PLPP2: variants seen among roughly 807,000 people sequenced by gnomAD.
PLPP2 encodes the protein phospholipid phosphatase 2, also known as PAP2-gamma.
PLPP2 carries 29 observed loss-of-function variants against 35.2 expected under a neutral mutation model. The ratio of observed to expected loss-of-function variants is 0.82; its 90% CI spans 0.61 to 1.12. The LOEUF (loss-of-function observed/expected upper bound fraction) is 1.12, where lower values mean the gene tolerates loss of function less well. Ranked by LOEUF, PLPP2 falls within the 50% of genes most tolerant of loss-of-function variation. PLPP2 has a pLI of 0.00. For synonymous variants in PLPP2, 162 were observed against 167.0 expected, an observed-to-expected ratio of 0.97 and a Z score of 0.23; for missense variants, 353 against 375.2, an observed-to-expected ratio of 0.94 and a Z score of 0.49.
intron 3 of PLPP2, chr19:286,873 G>A (rs922088064): frequency 1.3e-5 from 2 of 152,400 alleles, no homozygotes; most frequent in Non-Finnish European, 2.9e-5. Context: ...GCTCAGGTGG[G>A]AAGATGGCTT....
At chr19:284,463 AC>A (rs922879538) in intron 3 of PLPP2, 1 of 152,192 alleles carries the variant, frequency 6.6e-6, no homozygotes, top group Non-Finnish European at 1.5e-5. Context: ...TGTTGGACTT[AC>A]TAGACACTTT....
intron 5 of PLPP2, chr19:281,869 AG>A: frequency 3.9e-6 from 1 of 254,432 alleles, no homozygotes; most frequent in South Asian, 3.2e-5. Flanking sequence ...ATTGGGGGGA[AG>A]GGGTCCCAGG....
chr19:285,454 C>A (rs760049946), intron 3 of PLPP2: 1 of 151,328 alleles, frequency 6.6e-6, no homozygotes. Context: ...AAAGATTATT[C>A]GGCTGGGGCC....
In PLPP2 at chr19:291,373, C is replaced by G; in HGVS notation, c.-37G>C. 6.3e-7 allele frequency: 1 copy of G among 1,575,634 alleles called. No homozygotes were observed. Among genetic ancestry groups the G allele is most frequent in the Admixed American group, 1.8e-5 (1 of 56,994 alleles). On this transcript the variant is annotated 5_prime_UTR_variant, in exon 1 of 6. Coordinates refer to ENST00000434325, the MANE Select transcript of PLPP2 (RefSeq NM_003712.4). ...CCCCCGACGCCGGTCCCAGCGCGTC[C>G]CGTCGCGTCCCGGCCCGGCCGCGGA...
rs1238521203 is a variant in PLPP2, at chr19:291,316, G to A, written c.21C>T (p.Phe7=). Residue 7 remains phenylalanine, a synonymous_variant, in exon 1 of 6, where the codon TTC becomes TTT. Transcript: ENST00000434325. MQRRWV[F]VLLDVLCLLV... is the part of the protein sequence containing the mutation. ...GTAAGCACAGCACGTCGAGCAGCAC[G>A]AAGACCCACCTCCGCTGCATGGTCC... The A allele has an allele frequency of 1.3e-6, 2 of 1,599,554 alleles. No individual in the cohort carries two copies. The highest frequency in any genetic ancestry group is 1.7e-6 in the Non-Finnish European group (2 of 1,174,498).
intron 3 of PLPP2, chr19:284,552 T>C (rs1373295251): frequency 6.6e-6 from 1 of 152,152 alleles, no homozygotes; most frequent in Non-Finnish European, 1.5e-5. Flanking sequence ...GTGACAACAG[T>C]TGTGTGCCAC....
rs894189866 is a variant in PLPP2, at chr19:291,333, G to T, written c.4C>A (p.Gln2Lys). Residue 2 changes from glutamine (Q) to lysine (K), a missense_variant, in exon 1 of 6, where the codon CAG becomes AAG. By Grantham distance (53) the Gln-to-Lys change is moderately conservative. Coordinates refer to ENST00000434325, the MANE Select transcript of PLPP2 (RefSeq NM_003712.4). M[Q>K]RRWVFVLLDV... ...AGCAGCACGAAGACCCACCTCCGCT[G>T]CATGGTCCCCGCGACCCCCGACGCC... The T allele has an allele frequency of 1.9e-6, 3 of 1,591,514 alleles. No homozygotes were observed. In the African/African-American group the frequency reaches 4.2e-5, roughly 22 times the overall value.
intron 3 of PLPP2, chr19:284,723 G>C (rs1339222538): frequency 1.3e-5 from 2 of 152,206 alleles, no homozygotes; most frequent in African/African-American, 4.8e-5. Flanking sequence ...GTTATAAAAA[G>C]GAACCAAATA....
In PLPP2 at chr19:287,404, A is replaced by G. The variant is rs1016705704; in HGVS notation, c.482+70T>C. ...AGTCTCAGCTGCCTGCTGGCTCTTC[A>G]TGATTTGGCTCCAGGGCCTTCTTCA... On this transcript the variant is annotated intron_variant, in intron 3 of 5. Coordinates refer to ENST00000434325, the MANE Select transcript of PLPP2 (RefSeq NM_003712.4). The surrounding 1 kb of genome is among the most constrained non-coding windows in gnomAD (Gnocchi z 4.3). 18 of 1,539,386 alleles carry G rather than the reference A, an allele frequency of 1.2e-5. No individual in the cohort carries two copies. Among genetic ancestry groups the G allele is most frequent in the South Asian group, 2.5e-5 (2 of 79,702 alleles).
In PLPP2 at chr19:281,086, T is replaced by C. The variant is rs1283408145; in HGVS notation, c.*302A>G. The stretch of plus-strand genomic sequence containing the variant: ...TATTTTACTAAAAACCACATATACA[T>C]TACATTTTACAAAACAGCAACTATC... On this transcript the variant is annotated 3_prime_UTR_variant, in exon 6 of 6. Coordinates refer to ENST00000434325, the MANE Select transcript of PLPP2 (RefSeq NM_003712.4). 2 of 264,154 alleles carry C rather than the reference T, an allele frequency of 7.6e-6. No homozygotes were observed. Among genetic ancestry groups the C allele is most frequent in the Non-Finnish European group, 1.4e-5 (2 of 140,938 alleles). The allele number at this position is 264,154 out of a possible 1,614,324, so 16.4% of individuals were successfully genotyped here.
Position 281,432 on chromosome 19 carries a change from C to G in PLPP2, c.823G>C (p.Glu275Gln). The G allele has an allele frequency of 6.5e-7, 1 of 1,535,320 alleles. No individual in the cohort carries two copies. Among genetic ancestry groups the G allele is most frequent in the East Asian group, 2.5e-5 (1 of 40,810 alleles). ...PSLSLTLTLG[E>Q]ADHNHYGYPH... is the part of the protein sequence containing the mutation. Reference sequence around the variant, plus strand: ...TATCCATAGTGGTTGTGGTCAGCCTCGCCCAGGGTCAACGTCAGTGACAGG... The same window carrying G: ...TATCCATAGTGGTTGTGGTCAGCCTGGCCCAGGGTCAACGTCAGTGACAGG... The change falls in exon 6 of 6, where the codon GAG (glutamate) becomes CAG (glutamine). Residue 275 changes from glutamate to glutamine, a missense_variant. Physicochemically the swap from Glu to Gln is conservative, Grantham distance 29 (BLOSUM62 2). Transcript: ENST00000434325.
chr19:287,435 C>T lies in PLPP2; in HGVS notation c.482+39G>A, dbSNP rs1173191016. The T allele has an allele frequency of 6.3e-7, 1 of 1,576,966 alleles. No individual in the cohort carries two copies. Among genetic ancestry groups the T allele is most frequent in the Admixed American group, 1.7e-5 (1 of 58,340 alleles). On this transcript the variant is annotated intron_variant, in intron 3 of 5. Transcript: ENST00000434325. The surrounding 1 kb of genome is among the most constrained non-coding windows in gnomAD (Gnocchi z 4.3). ...TGGCTCCAGGGCCTTCTTCAGCTCC[C>T]ATTCCCCACAAGAGTGAAGGCTGCT... is the stretch of plus-strand genomic sequence containing the variant.
intron 3 of PLPP2, chr19:284,957 A>G: frequency 6.7e-6 from 1 of 150,180 alleles, no homozygotes; most frequent in Non-Finnish European, 1.5e-5. Flanking sequence ...CTCTACTAAA[A>G]ATACAAAAAT....
intron 1 of PLPP2, among the ~76,000 whole-genome samples, chr19:289,296 G>GC (rs1970335565): frequency 6.6e-6 from 1 of 152,204 alleles, no homozygotes; most frequent in Non-Finnish European, 1.5e-5. Context: ...GGGGCAGGGA[G>GC]CCCCACACTC....
At chr19:282,095 T>C (rs1303843735) in intron 5 of PLPP2, 39 bp downstream of exon 5, 1 of 1,607,416 alleles carries the variant, frequency 6.2e-7, no homozygotes, top group African/African-American at 1.3e-5. Flanking sequence ...GAGTGGTCTC[T>C]GGACAACACA....
Position 288,027 on chromosome 19 carries a change from A to T in PLPP2, c.197T>A (p.Val66Asp). 6.2e-7 allele frequency: 1 copy of T among 1,612,292 alleles called. No individual in the cohort carries two copies. Among genetic ancestry groups the T allele is most frequent in the Non-Finnish European group, 8.5e-7 (1 of 1,179,544 alleles). ...LMAGVTITAT[V>D]ILVSAGEAYL... is the part of the protein sequence containing the mutation. ...GAGCCCCTCCTGCCTTACAAGGATGACGGTGGCCGTGATGGTGACCCCAGC... is the reference window on the plus strand; with the variant it reads ...GAGCCCCTCCTGCCTTACAAGGATGTCGGTGGCCGTGATGGTGACCCCAGC... The change falls in exon 2 of 6, where the codon GTC (valine) becomes GAC (aspartate). Residue 66 changes from valine to aspartate, a missense_variant. Coordinates refer to ENST00000434325, the MANE Select transcript of PLPP2 (RefSeq NM_003712.4).
In PLPP2 at chr19:286,649, T is replaced by TA. The variant is rs1362953346; in HGVS notation, c.482+824dup. ...TCAATAAAAAGATTAATATATAATTTAAAAAACATTAAAAAAAAAGTCAGA... is the reference window on the plus strand; with the variant it reads ...TCAATAAAAAGATTAATATATAATTTAAAAAAACATTAAAAAAAAAGTCAGA... On this transcript the variant is annotated intron_variant, in intron 3 of 5. Coordinates refer to ENST00000434325, the MANE Select transcript of PLPP2 (RefSeq NM_003712.4). The TA allele has an allele frequency of 4.0e-5, 6 of 151,756 alleles. No individual in the cohort carries two copies. In the East Asian group the frequency reaches 9.7e-4, roughly 25 times the overall value. The allele number at this position is 151,756 out of a possible 1,614,324, so 9.4% of individuals were successfully genotyped here.
Position 288,799 on chromosome 19 carries a change from C to T in PLPP2, c.53-628G>A, listed in dbSNP as rs78511518. ...AATTGATTTCCCCCCATCCACCCAC[C>T]GGCACCAGGAGGGGCCTACCGTATT... is the stretch of plus-strand genomic sequence containing the variant. On this transcript the variant is annotated intron_variant, in intron 1 of 5. Coordinates refer to ENST00000434325, the MANE Select transcript of PLPP2 (RefSeq NM_003712.4). Among the ~76,000 whole-genome samples the T allele has an allele frequency of 3.7e-3, 565 of 152,320 alleles. 4 individuals carry two copies. The highest frequency in any genetic ancestry group is 0.013 in the African/African-American group (539 of 41,568).
chr19:281,616 G>T, intron 5 of PLPP2, 79 bp from the exon 6 acceptor site: 1 of 1,310,470 alleles, frequency 7.6e-7, no homozygotes, highest in South Asian at 2.0e-5. Context: ...GGAGGGGGAG[G>T]AACAGGGTCC....
Sources: allele counts gnomAD v4.1 joint callset (sites outside exome capture counted in the v4.1 genomes callset), GRCh38; gene constraint gnomAD v4.1.1; non-coding constraint Gnocchi (gnomAD v3.1); transcripts MANE v1.5; gene names NCBI Gene and HGNC (gene_info 2026-07-23, HGNC 2026-07-21).